NKAIN3: variants seen among roughly 807,000 people sequenced by gnomAD.
NKAIN3 encodes the protein sodium/potassium-transporting ATPase subunit beta-1-interacting protein 3.
Under a neutral mutation model 30.2 loss-of-function variants are expected in NKAIN3, and 25 were observed. The observed-to-expected ratio is 0.83, with a 90% confidence interval of 0.60 to 1.16. The LOEUF is 1.16. Ranked by LOEUF, NKAIN3 falls within the 50% of genes most tolerant of loss-of-function variation. The pLI is 0.00. For synonymous variants in NKAIN3, 91 were observed against 89.6 expected (o/e 1.02, Z -0.09); for missense variants, 225 against 254.1 (o/e 0.89, Z 0.78).
chr8:62,613,396 T>C (rs1039849608), intron 3 of NKAIN3, among the ~76,000 whole-genome samples: 4 of 152,184 alleles, frequency 2.6e-5, no homozygotes, highest in Non-Finnish European at 5.9e-5. Context: ...CCAGACGTAT[T>C]GGAGCTCCTT....
intron 3 of NKAIN3, among the ~76,000 whole-genome samples, chr8:62,692,044 C>A (rs922381655): frequency 6.6e-6 from 1 of 152,138 alleles, no homozygotes; most frequent in South Asian, 2.1e-4. Context: ...TGGCTTTTCT[C>A]GGCATAATCT....
chr8:62,257,501 C>T (rs1437480014), intron 1 of NKAIN3, among the ~76,000 whole-genome samples: 1 of 152,126 alleles, frequency 6.6e-6, no homozygotes, highest in Non-Finnish European at 1.5e-5. Context: ...AATTCATTTT[C>T]TACAATGCCT....
intron 3 of NKAIN3, among the ~76,000 whole-genome samples, chr8:62,651,707 G>T (rs553973094): frequency 6.6e-6 from 1 of 152,214 alleles, no homozygotes; most frequent in South Asian, 2.1e-4. Flanking sequence ...TGGAGGTGGG[G>T]GTCTGGTGGG....
intron 3 of NKAIN3, among the ~76,000 whole-genome samples, chr8:62,590,955 TG>T (rs1226134779): frequency 6.6e-6 from 1 of 151,998 alleles, no homozygotes; most frequent in Non-Finnish European, 1.5e-5. Context: ...TGCTAGCGAT[TG>T]TAGTTCACCA....
At chr8:62,613,511 T>A (rs981234902) in intron 3 of NKAIN3, among the ~76,000 whole-genome samples, 13 of 152,266 alleles carry the variant, frequency 8.5e-5, no homozygotes, top group Admixed American at 2.0e-4. Flanking sequence ...CTTCTCTGGA[T>A]AAATCTGCTT....
chr8:62,923,607 C>A (rs1405712042), intron 5 of NKAIN3, among the ~76,000 whole-genome samples: 19 of 152,156 alleles, frequency 1.2e-4, no homozygotes, highest in Non-Finnish European at 2.8e-4. Context: ...CACGTCAGAA[C>A]AAGAGCTTAA....
chr8:62,998,169 C>T (rs1255204178), intron 5 of NKAIN3, among the ~76,000 whole-genome samples: 1 of 152,166 alleles, frequency 6.6e-6, no homozygotes, highest in Non-Finnish European at 1.5e-5. Flanking sequence ...TGGACACTGT[C>T]TTCTATAATG....
At chr8:62,800,110 G>C (rs1383585382) in intron 4 of NKAIN3, among the ~76,000 whole-genome samples, 1 of 152,080 alleles carries the variant, frequency 6.6e-6, no homozygotes, top group Non-Finnish European at 1.5e-5. Context: ...TATACTGTTT[G>C]GGTGATGGAT....
chr8:62,576,490 A>G (rs1257113402), intron 1 of NKAIN3, among the ~76,000 whole-genome samples: 1 of 151,976 alleles, frequency 6.6e-6, no homozygotes, highest in Non-Finnish European at 1.5e-5. Context: ...ATCTGGACCG[A>G]ATGCTTTCTA....
intron 1 of NKAIN3, among the ~76,000 whole-genome samples, chr8:62,535,395 C>G (rs1219873035): frequency 6.6e-6 from 1 of 152,072 alleles, no homozygotes; most frequent in East Asian, 1.9e-4. Context: ...CTTTATCTAC[C>G]TGGAGACAGT....
At position 62,855,363 on chromosome 8, in the gene NKAIN3, C is replaced by T. The variant is rs28721349; in HGVS notation, c.472-63090C>T. 9.0e-3 allele frequency: 6,378 copies of T among 710,480 alleles called. 282 individuals carry two copies. In the African/African-American group the frequency reaches 0.098, roughly 11 times the overall value. The allele number at this position is 710,480 out of a possible 1,614,324, so 44.0% of individuals were successfully genotyped here. A position where few individuals can be genotyped will look rare whatever the true frequency, so the allele number is the denominator to read the frequency against. On this transcript the variant is annotated intron_variant, in intron 4 of 6. Transcript: ENST00000623646. Reference sequence around the variant, plus strand: ...AGCTCCTGCTTCTTCAGCCCATATGCCTCTTTCAGCATGGGCACAGTGAAA... The same window carrying T: ...AGCTCCTGCTTCTTCAGCCCATATGTCTCTTTCAGCATGGGCACAGTGAAA...
intron 4 of NKAIN3, among the ~76,000 whole-genome samples, chr8:62,789,821 T>C (rs965794692): frequency 3.9e-5 from 6 of 152,098 alleles, no homozygotes; most frequent in African/African-American, 1.4e-4. Flanking sequence ...CAACAATTAA[T>C]AGCATACCAA....
chr8:62,502,016 G>T lies in NKAIN3; in HGVS notation c.55-77523G>T, dbSNP rs561152070. On this transcript the variant is annotated intron_variant, in intron 1 of 6. Transcript: ENST00000623646. Reference sequence around the variant, plus strand: ...TCCAATTTTCTAGGTGTGCCAGAGAGCTGCCCACCATGTGGCAACTCATGC... The same window carrying T: ...TCCAATTTTCTAGGTGTGCCAGAGATCTGCCCACCATGTGGCAACTCATGC... Among the ~76,000 whole-genome samples the T allele has an allele frequency of 9.9e-5, 15 of 152,258 alleles. No individual in the cohort carries two copies. In the South Asian group the frequency reaches 3.1e-3, roughly 32 times the overall value.
chr8:62,831,660 C>A (rs1305601544), intron 4 of NKAIN3, among the ~76,000 whole-genome samples: 1 of 151,838 alleles, frequency 6.6e-6, no homozygotes, highest in Non-Finnish European at 1.5e-5. Flanking sequence ...TTCAAACTAA[C>A]CCAGTTAGCT....
intron 6 of NKAIN3, among the ~76,000 whole-genome samples, chr8:62,958,198 G>T (rs1300881904): frequency 1.3e-5 from 2 of 151,932 alleles, no homozygotes; most frequent in East Asian, 3.9e-4. Context: ...ATAGGAAGCA[G>T]AGGCTTAAGC....
chr8:62,959,343 T>C (rs894958852), intron 6 of NKAIN3, among the ~76,000 whole-genome samples: 3 of 151,996 alleles, frequency 2.0e-5, no homozygotes, highest in African/African-American at 7.3e-5. Context: ...GAACAGCTGT[T>C]TTGCATTAGT....
At chr8:62,439,325 A>C (rs1330986081) in intron 1 of NKAIN3, among the ~76,000 whole-genome samples, 1 of 152,202 alleles carries the variant, frequency 6.6e-6, no homozygotes, top group Non-Finnish European at 1.5e-5. Context: ...GAGAGGTGCC[A>C]CATTTGAAGA....
At chr8:62,535,328 T>A (rs1426607987) in intron 1 of NKAIN3, among the ~76,000 whole-genome samples, 3 of 152,040 alleles carry the variant, frequency 2.0e-5, no homozygotes, top group Non-Finnish European at 4.4e-5. Flanking sequence ...TGTGGGGTGT[T>A]TTTCCCCACA....
chr8:62,377,626 C>T lies in NKAIN3; in HGVS notation c.54+128499C>T, dbSNP rs1253335502. 2.0e-5 allele frequency among the ~76,000 whole-genome samples: 3 copies of T among 152,022 alleles called. No homozygotes were observed. In the East Asian group the frequency reaches 5.8e-4, roughly 29 times the overall value. On this transcript the variant is annotated intron_variant, in intron 1 of 6. Transcript: ENST00000623646. The stretch of plus-strand genomic sequence containing the variant: ...AATTCCCACAAGTTGTGGGAAGGAC[C>T]TGGTGGGAGGTAATTAAAACATGGG...
Sources: gnomAD v4.1 joint callset for allele counts (sites outside exome capture counted in the v4.1 genomes callset) on GRCh38, gnomAD v4.1.1 for gene constraint, MANE v1.5 for transcripts, NCBI Gene and HGNC (gene_info 2026-07-23, HGNC 2026-07-21) for gene names.